Variants in MARCHF8 observed in about 807,000 individuals in gnomAD.
MARCHF8 encodes the protein membrane associated ring-CH-type finger 8.
MARCHF8 carries 40 observed loss-of-function variants against 51.6 expected under a neutral mutation model. The ratio of observed to expected loss-of-function variants is 0.77; its 90% CI spans 0.60 to 1.01. The LOEUF is 1.01. Among genes scored for constraint, MARCHF8 ranks in the 50% least tolerant of loss-of-function variants. MARCHF8 has a pLI of 0.00. For synonymous variants in MARCHF8, 263 were observed against 280.3 expected (o/e 0.94, Z 0.62); for missense variants, 685 against 708.6 (o/e 0.97, Z 0.38).
chr10:45,502,466 C>G (rs955582414), intron 2 of MARCHF8, among the ~76,000 whole-genome samples: 5 of 152,126 alleles, frequency 3.3e-5, no homozygotes, highest in African/African-American at 1.2e-4. Context: ...ATTCAAAAAA[C>G]TGAATGAACT....
chr10:45,578,532 C>T (rs79319916), intron 1 of MARCHF8, among the ~76,000 whole-genome samples: 5,359 of 152,214 alleles, frequency 0.035, 145 homozygotes, highest in East Asian at 0.052. Context: ...CAGAAGGAAG[C>T]ATGCAGTTGG....
At chr10:45,511,561 C>T (rs971651290) in intron 2 of MARCHF8, among the ~76,000 whole-genome samples, 27 of 152,364 alleles carry the variant, frequency 1.8e-4, no homozygotes, top group Admixed American at 6.5e-4. Flanking sequence ...GCGCGCGCCG[C>T]CACACCTGAC....
At chr10:45,536,263 C>T (rs373459155), upstream of MARCHF8, among the ~76,000 whole-genome samples, 9 of 151,962 alleles carry the variant, frequency 5.9e-5, no homozygotes, top group African/African-American at 2.2e-4. Flanking sequence ...CTATAGTCAG[C>T]TGATTTTCAA....
chr10:45,562,878 G>A (rs182711765), intron 1 of MARCHF8, among the ~76,000 whole-genome samples: 131 of 151,524 alleles, frequency 8.6e-4, no homozygotes, highest in Non-Finnish European at 1.6e-3. Context: ...AGGAAGGGGA[G>A]GTCATTAAAG....
Position 45,461,346 on chromosome 10 carries a change from A to G in MARCHF8, c.1154T>C (p.Leu385Pro). The G allele has an allele frequency of 6.2e-7, 1 of 1,607,442 alleles. No individual in the cohort carries two copies. Among genetic ancestry groups the G allele is most frequent in the Non-Finnish European group, 8.5e-7 (1 of 1,177,358 alleles). ...CAGGCAGGCCTGGTGCACGAAGTGG[A>G]GGCTTCCTGTGCAGTGGCAGGGGGT... Reference protein sequence around the residue: ...LITPCHCTGSLHFVHQACLQQ... With the variant: ...LITPCHCTGSPHFVHQACLQQ... The change falls in exon 6 of 8, where the codon CTC (leucine) becomes CCC (proline). Residue 385 changes from leucine (L) to proline (P), a missense_variant. Coordinates refer to ENST00000453424, the MANE Select transcript of MARCHF8 (RefSeq NM_001282866.2).
intron 1 of MARCHF8, among the ~76,000 whole-genome samples, chr10:45,556,895 C>T (rs942607908): frequency 1.3e-5 from 2 of 152,068 alleles, no homozygotes; most frequent in South Asian, 2.1e-4. Context: ...ATCCAAAACC[C>T]TGTATGTACT....
intron 3 of MARCHF8, among the ~76,000 whole-genome samples, chr10:45,475,865 A>C (rs1203321387): frequency 6.6e-6 from 1 of 152,150 alleles, no homozygotes; most frequent in Non-Finnish European, 1.5e-5. Flanking sequence ...CACTGGGACC[A>C]AGGACAGGCC....
At chr10:45,498,028 C>T (rs1338707574) in intron 2 of MARCHF8, among the ~76,000 whole-genome samples, 1 of 152,174 alleles carries the variant, frequency 6.6e-6, no homozygotes, top group African/African-American at 2.4e-5. Flanking sequence ...TAAAAAACTA[C>T]AGGTAACATT....
intron 2 of MARCHF8, among the ~76,000 whole-genome samples, chr10:45,522,163 T>A (rs2043716982): frequency 6.6e-6 from 1 of 152,198 alleles, no homozygotes; most frequent in South Asian, 2.1e-4. Context: ...ACTCTGCATA[T>A]TAATTTAATA....
At chr10:45,510,785 T>C (rs1317042389) in intron 2 of MARCHF8, among the ~76,000 whole-genome samples, 3 of 152,202 alleles carry the variant, frequency 2.0e-5, no homozygotes, top group African/African-American at 4.8e-5. Flanking sequence ...ACATTTGTTC[T>C]AAGCCATTCA....
intron 2 of MARCHF8, among the ~76,000 whole-genome samples, chr10:45,516,251 C>T (rs2043616028): frequency 6.6e-6 from 1 of 152,218 alleles, no homozygotes; most frequent in African/African-American, 2.4e-5. Flanking sequence ...TTCTTGTCTT[C>T]TCTACTTCAT....
At chr10:45,576,570 A>C (rs1447443920) in intron 1 of MARCHF8, among the ~76,000 whole-genome samples, 1 of 152,066 alleles carries the variant, frequency 6.6e-6, no homozygotes, top group African/African-American at 2.4e-5. Flanking sequence ...TTGTTAATAT[A>C]TGTGTGTATA....
At chr10:45,502,796 C>T (rs2043304873) in intron 2 of MARCHF8, among the ~76,000 whole-genome samples, 1 of 152,138 alleles carries the variant, frequency 6.6e-6, no homozygotes, top group Non-Finnish European at 1.5e-5. Context: ...AAATTCATCA[C>T]ATGGAAGGAA....
In MARCHF8 at chr10:45,463,110, C is replaced by T. The variant is rs190419374; in HGVS notation, c.1088+41G>A. The stretch of plus-strand genomic sequence containing the variant: ...CTAAAGCAAGAGGAGGTTCCTGATG[C>T]GAGCAGAGATGGCTAGAATGGCACT... On this transcript the variant is annotated intron_variant, in intron 5 of 7. Coordinates refer to ENST00000453424, the MANE Select transcript of MARCHF8 (RefSeq NM_001282866.2). The T allele has an allele frequency of 1.3e-5, 19 of 1,517,138 alleles. No individual in the cohort carries two copies. In the East Asian group the frequency reaches 1.5e-4, roughly 12 times the overall value. The allele number at this position is 1,517,138 out of a possible 1,614,324, so 94.0% of individuals were successfully genotyped here.
chr10:45,464,911 A>G (rs2132943457), intron 3 of MARCHF8, among the ~76,000 whole-genome samples: 1 of 152,370 alleles, frequency 6.6e-6, no homozygotes, highest in Middle Eastern at 3.4e-3. Flanking sequence ...GCTGAGGTAG[A>G]GCACAGAATG....
chr10:45,578,498 C>CAGT (rs1401368238), intron 1 of MARCHF8, among the ~76,000 whole-genome samples: 1 of 152,142 alleles, frequency 6.6e-6, no homozygotes, highest in Non-Finnish European at 1.5e-5. Context: ...GTCTTCCTTA[C>CAGT]AGTAGAATGC....
intron 1 of MARCHF8, among the ~76,000 whole-genome samples, chr10:45,557,216 C>T (rs2044262090): frequency 6.6e-6 from 1 of 150,744 alleles, no homozygotes; most frequent in African/African-American, 2.5e-5. Flanking sequence ...CAACCTCCGC[C>T]TCCCTGGGTC....
intron 1 of MARCHF8, among the ~76,000 whole-genome samples, chr10:45,575,600 C>G (rs1015535354): frequency 1.3e-5 from 2 of 152,172 alleles, no homozygotes; most frequent in African/African-American, 4.8e-5. Context: ...CCCTGAGAAA[C>G]ATCGCCCATT....
chr10:45,543,123 T>C (rs576081559), intron 1 of MARCHF8, among the ~76,000 whole-genome samples: 1 of 152,362 alleles, frequency 6.6e-6, no homozygotes, highest in Admixed American at 6.5e-5. Flanking sequence ...CTCATGTTAT[T>C]TGACTTGATA....
Sources: allele counts gnomAD v4.1 joint callset (sites outside exome capture counted in the v4.1 genomes callset), GRCh38; gene constraint gnomAD v4.1.1; transcripts MANE v1.5; gene names NCBI Gene and HGNC (gene_info 2026-07-23, HGNC 2026-07-21).